Variants in AGBL1 observed in about 807,000 individuals in gnomAD.
AGBL1 encodes cytosolic carboxypeptidase 4.
Under a neutral mutation model 118.9 loss-of-function variants are expected in AGBL1, and 130 were observed. The ratio of observed to expected loss-of-function variants is 1.09; its 90% CI spans 0.95 to 1.26. The LOEUF is 1.26. Ranked by LOEUF, AGBL1 falls within the 50% of genes most tolerant of loss-of-function variation. The probability of loss-of-function intolerance (pLI) is 0.00; values close to 1 mark genes in which losing one functional copy is unlikely to be tolerated. For missense variants in AGBL1, 1,584 were observed against 1,298.1 expected (o/e 1.22, Z -3.38); for synonymous variants, 555 against 478.9 (o/e 1.16, Z -2.08).
intron 23 of AGBL1, among the ~76,000 whole-genome samples, chr15:86,967,585 C>T (rs1194876115): frequency 6.6e-6 from 1 of 152,082 alleles, no homozygotes; most frequent in South Asian, 2.1e-4. Context: ...AATAGGGAAT[C>T]GTTTCCCCAT....
intron 5 of AGBL1, among the ~76,000 whole-genome samples, chr15:86,206,427 C>T (rs2077993088): frequency 6.6e-6 from 1 of 152,082 alleles, no homozygotes; most frequent in South Asian, 2.1e-4. Flanking sequence ...TACACTCCCA[C>T]CAACAGTGAG....
intron 22 of AGBL1, among the ~76,000 whole-genome samples, chr15:86,771,475 CT>C (rs375293629): frequency 6.6e-6 from 1 of 151,908 alleles, no homozygotes; most frequent in Admixed American, 6.6e-5. Context: ...CTCTGGATAA[CT>C]TTTTGGAGGG....
intron 22 of AGBL1, among the ~76,000 whole-genome samples, chr15:86,883,588 C>T (rs758448125): frequency 1.3e-5 from 2 of 152,182 alleles, no homozygotes; most frequent in Non-Finnish European, 2.9e-5. Context: ...TCTGCTAGAA[C>T]ATTCACCAAA....
At chr15:86,860,172 C>T (rs2079541591) in intron 22 of AGBL1, among the ~76,000 whole-genome samples, 1 of 152,080 alleles carries the variant, frequency 6.6e-6, no homozygotes, top group Non-Finnish European at 1.5e-5. Context: ...CTCTCTGAGC[C>T]TCAGTTTTGT....
intron 22 of AGBL1, among the ~76,000 whole-genome samples, chr15:86,827,473 ATATATATATATGTGTG>A (rs1483855174): frequency 0.011 from 128 of 11,776 alleles, 4 homozygotes; most frequent in African/African-American, 0.029. Context: ...ATATATACAT[ATATATATATATGTGTG>A]TATATATATA....
At chr15:86,941,596 A>G (rs1211589328) in intron 23 of AGBL1, among the ~76,000 whole-genome samples, 3 of 152,202 alleles carry the variant, frequency 2.0e-5, no homozygotes, top group Non-Finnish European at 2.9e-5. Context: ...ATATAGAGAT[A>G]ATATACGTAG....
intron 22 of AGBL1, among the ~76,000 whole-genome samples, chr15:86,874,486 C>T (rs139413408): frequency 1.4e-3 from 213 of 151,906 alleles, no homozygotes; most frequent in African/African-American, 4.9e-3. Flanking sequence ...AGAGCCTCAC[C>T]CACTCTGGCT....
chr15:86,880,149 A>T (rs989773638), intron 22 of AGBL1, among the ~76,000 whole-genome samples: 1 of 152,194 alleles, frequency 6.6e-6, no homozygotes, highest in Admixed American at 6.5e-5. Flanking sequence ...CTATCATCAG[A>T]CAATGGAATC....
chr15:86,269,774 A>C lies in AGBL1; in HGVS notation c.1839-145A>C, dbSNP rs559919059. 2 of 895,288 alleles carry C rather than the reference A, an allele frequency of 2.2e-6. 1 individual carries two copies. Among genetic ancestry groups the C allele is most frequent in the South Asian group, 4.2e-5 (2 of 47,752 alleles). 55.5% of individuals were successfully genotyped at this position (895,288 alleles called of 1,614,324 possible). Reference sequence around the variant, plus strand: ...AATCTGTACCCAATATTGTGGTATCAGGATGATAAGTATAACTTACCAGCT... The same window carrying C: ...AATCTGTACCCAATATTGTGGTATCCGGATGATAAGTATAACTTACCAGCT... On this transcript the variant is annotated intron_variant, in intron 13 of 22. Coordinates refer to ENST00000614907, the MANE Select transcript of AGBL1 (RefSeq NM_001386094.1).
At chr15:86,748,347 T>G (rs1054334165) in intron 22 of AGBL1, among the ~76,000 whole-genome samples, 7 of 151,972 alleles carry the variant, frequency 4.6e-5, no homozygotes, top group African/African-American at 1.4e-4. Context: ...TCTTGTAAAT[T>G]TGTTTCAGTT....
At chr15:86,193,400 T>G (rs934662420) in intron 5 of AGBL1, among the ~76,000 whole-genome samples, 1 of 152,192 alleles carries the variant, frequency 6.6e-6, no homozygotes, top group Non-Finnish European at 1.5e-5. Flanking sequence ...ACTGGAATGA[T>G]GCAATAGAGC....
chr15:86,469,521 T>C (rs1013039404), intron 18 of AGBL1, among the ~76,000 whole-genome samples: 7 of 152,132 alleles, frequency 4.6e-5, no homozygotes, highest in Non-Finnish European at 7.4e-5. Flanking sequence ...CTGGCTATTG[T>C]GAGTAGTGCT....
At chr15:86,449,893 G>A (rs1596129548) in intron 18 of AGBL1, among the ~76,000 whole-genome samples, 1 of 152,058 alleles carries the variant, frequency 6.6e-6, no homozygotes, top group Non-Finnish European at 1.5e-5. Context: ...CCATGGCTCT[G>A]TAGGCAGAGA....
intron 21 of AGBL1, among the ~76,000 whole-genome samples, chr15:86,612,478 C>T (rs1470672752): frequency 6.6e-6 from 1 of 152,040 alleles, no homozygotes; most frequent in African/African-American, 2.4e-5. Flanking sequence ...CCTCATCACA[C>T]CCTCCTCCCT....
At position 86,080,927 on chromosome 15, in the gene AGBL1, G is replaced by C. The variant is rs540647411; in HGVS notation, c.51+904G>C. ...CCTGGAAGGGGTCACAAGATGATGG[G>C]CTTGTGGGGGCGGGGGGGGGTCCAT... On this transcript the variant is annotated intron_variant, in intron 1 of 22. Coordinates refer to ENST00000614907, the MANE Select transcript of AGBL1 (RefSeq NM_001386094.1). Among the ~76,000 whole-genome samples the C allele has an allele frequency of 8.2e-4, 123 of 150,342 alleles. 1 individual carries two copies. The highest frequency in any genetic ancestry group is 2.7e-3 in the African/African-American group (110 of 40,768).
chr15:86,302,579 C>T (rs1339492242), intron 17 of AGBL1, among the ~76,000 whole-genome samples: 1 of 151,814 alleles, frequency 6.6e-6, no homozygotes, highest in African/African-American at 2.4e-5. Context: ...GAGTTCAAGA[C>T]CAGCCTAGCC....
intron 5 of AGBL1, among the ~76,000 whole-genome samples, chr15:86,204,461 T>A (rs2077957060): frequency 6.6e-6 from 1 of 151,800 alleles, no homozygotes; most frequent in African/African-American, 2.4e-5. Flanking sequence ...GGTGCATTGA[T>A]CCCTTCCCTT....
At chr15:86,886,775 A>G (rs1195654112) in intron 22 of AGBL1, among the ~76,000 whole-genome samples, 1 of 152,212 alleles carries the variant, frequency 6.6e-6, no homozygotes, top group East Asian at 1.9e-4. Context: ...GCTTGGACCC[A>G]GTCGGAGAAC....
chr15:86,321,955 A>G (rs1467392328), intron 17 of AGBL1, among the ~76,000 whole-genome samples: 7 of 151,906 alleles, frequency 4.6e-5, no homozygotes, highest in African/African-American at 1.7e-4. Context: ...TTTTTCAAGT[A>G]TGTTCTGGTT....
Sources: gnomAD v4.1 joint callset for allele counts (sites outside exome capture counted in the v4.1 genomes callset) on GRCh38, gnomAD v4.1.1 for gene constraint, MANE v1.5 for transcripts, NCBI Gene and HGNC (gene_info 2026-07-23, HGNC 2026-07-21) for gene names.